Variants in MACROD2 observed in about 807,000 individuals in gnomAD.
MACROD2 encodes mono-ADP ribosylhydrolase 2, also known as ADP-ribose glycohydrolase MACROD2.
Under a neutral mutation model 70.4 loss-of-function variants are expected in MACROD2, and 36 were observed. The ratio of observed to expected loss-of-function variants is 0.51; its 90% CI spans 0.39 to 0.68. MACROD2 has a LOEUF of 0.68. Among genes scored for constraint, MACROD2 ranks in the 30% least tolerant of loss-of-function variants. MACROD2 has a pLI of 0.00. For missense variants in MACROD2, 496 were observed against 538.4 expected (o/e 0.92, Z 0.78); for synonymous variants, 172 against 178.8 (o/e 0.96, Z 0.30).
chr20:14,367,883 G>A (rs1159923390), intron 3 of MACROD2, among the ~76,000 whole-genome samples: 2 of 152,122 alleles, frequency 1.3e-5, no homozygotes, highest in Non-Finnish European at 2.9e-5. Flanking sequence ...TTCTCCATCT[G>A]GGGTTCTTAT....
intron 8 of MACROD2, among the ~76,000 whole-genome samples, chr20:15,591,387 C>G (rs764453591): frequency 1.3e-5 from 2 of 152,082 alleles, no homozygotes; most frequent in African/African-American, 4.8e-5. Flanking sequence ...GGTATTCCCT[C>G]TGCTCAACTG....
chr20:14,412,716 A>C (rs1035127706), intron 3 of MACROD2, among the ~76,000 whole-genome samples: 4 of 152,180 alleles, frequency 2.6e-5, no homozygotes, highest in African/African-American at 4.8e-5. Flanking sequence ...AAACAAACGA[A>C]TGTCTGTAAA....
At chr20:14,745,563 C>T (rs754376112) in intron 5 of MACROD2, among the ~76,000 whole-genome samples, 2 of 152,158 alleles carry the variant, frequency 1.3e-5, no homozygotes, top group African/African-American at 2.4e-5. Context: ...ATTCTGGTTC[C>T]GCTTTTTACT....
intron 8 of MACROD2, among the ~76,000 whole-genome samples, chr20:15,711,449 A>G (rs573236505): frequency 2.0e-5 from 3 of 152,334 alleles, no homozygotes; most frequent in Non-Finnish European, 4.4e-5. Flanking sequence ...ACCAAGCCTT[A>G]ACTGTCAGGT....
At chr20:14,239,209 G>A (rs1253546363) in intron 3 of MACROD2, among the ~76,000 whole-genome samples, 1 of 152,070 alleles carries the variant, frequency 6.6e-6, no homozygotes, top group Non-Finnish European at 1.5e-5. Flanking sequence ...AAACACTGCT[G>A]AAAGAAATCA....
chr20:14,810,600 CAA>C (rs2072697606), intron 5 of MACROD2, among the ~76,000 whole-genome samples: 1 of 152,012 alleles, frequency 6.6e-6, no homozygotes, highest in Non-Finnish European at 1.5e-5. Context: ...GGCAGTGAGA[CAA>C]GAGAAAGAAA....
chr20:16,037,242 A>G (rs2067248212), intron 15 of MACROD2, among the ~76,000 whole-genome samples: 1 of 151,950 alleles, frequency 6.6e-6, no homozygotes, highest in Admixed American at 6.6e-5. Flanking sequence ...CCTCTCTCTC[A>G]CCTAACTTTT....
At position 14,533,407 on chromosome 20, in the gene MACROD2, C is replaced by G. The variant is rs145472738; in HGVS notation, c.301+39899C>G. On this transcript the variant is annotated intron_variant, in intron 4 of 17. Coordinates refer to ENST00000684519, the MANE Select transcript of MACROD2 (RefSeq NM_001351661.2). ...GTTTTTTGACAAGCTATAAGAAGCA[C>G]ATAGCCACATGACTTATGATTATAC... 9.9e-3 allele frequency among the ~76,000 whole-genome samples: 1,513 copies of G among 152,256 alleles called. 32 individuals carry two copies. The highest frequency in any genetic ancestry group is 0.035 in the African/African-American group (1,441 of 41,548).
At chr20:14,765,620 A>G (rs921987167) in intron 5 of MACROD2, among the ~76,000 whole-genome samples, 2 of 152,120 alleles carry the variant, frequency 1.3e-5, no homozygotes, top group South Asian at 2.1e-4. Flanking sequence ...GGGGTAAGAT[A>G]TTAGGGTTGA....
intron 6 of MACROD2, among the ~76,000 whole-genome samples, chr20:15,421,913 G>C (rs934964787): frequency 6.6e-5 from 10 of 152,216 alleles, no homozygotes; most frequent in African/African-American, 1.9e-4. Context: ...CTGGAGGCTA[G>C]GAAGACCTCT....
intron 8 of MACROD2, among the ~76,000 whole-genome samples, chr20:15,616,766 G>A (rs1294600279): frequency 6.6e-6 from 1 of 152,138 alleles, no homozygotes. Context: ...GTGTTGATAG[G>A]CCCATATGGT....
intron 5 of MACROD2, among the ~76,000 whole-genome samples, chr20:14,806,560 C>G (rs1364164155): frequency 6.6e-6 from 1 of 152,040 alleles, no homozygotes; most frequent in Non-Finnish European, 1.5e-5. Flanking sequence ...TTTTTGTACC[C>G]CACTGGCACC....
intron 5 of MACROD2, among the ~76,000 whole-genome samples, chr20:14,974,255 C>T (rs1264931125): frequency 2.0e-5 from 3 of 152,090 alleles, no homozygotes; most frequent in Non-Finnish European, 4.4e-5. Context: ...CTCAATACTG[C>T]CACTGTGGGG....
chr20:14,765,777 A>T (rs2072079726), intron 5 of MACROD2, among the ~76,000 whole-genome samples: 1 of 152,138 alleles, frequency 6.6e-6, no homozygotes, highest in African/African-American at 2.4e-5. Flanking sequence ...CTGAGTCCAC[A>T]TGAAAACACC....
At chr20:15,676,374 T>G (rs1362389810) in intron 8 of MACROD2, among the ~76,000 whole-genome samples, 1 of 152,238 alleles carries the variant, frequency 6.6e-6, no homozygotes, top group Non-Finnish European at 1.5e-5. Flanking sequence ...ATAAACCCAC[T>G]GTGTTTCTAG....
At chr20:14,071,176 T>C (rs749543631) in intron 2 of MACROD2, among the ~76,000 whole-genome samples, 8 of 151,922 alleles carry the variant, frequency 5.3e-5, no homozygotes, top group Non-Finnish European at 2.9e-5. Flanking sequence ...GAAAATTCTG[T>C]TATATCCTCA....
intron 5 of MACROD2, among the ~76,000 whole-genome samples, chr20:14,889,673 G>A (rs2073728157): frequency 6.6e-6 from 1 of 152,110 alleles, no homozygotes; most frequent in Non-Finnish European, 1.5e-5. Context: ...ATGAGCAGAG[G>A]GAAGATAAAT....
At position 15,812,265 on chromosome 20, in the gene MACROD2, C is replaced by A. The variant is rs535792883; in HGVS notation, c.646-50480C>A. Among the ~76,000 whole-genome samples, 4 of 152,254 alleles carry A rather than the reference C, an allele frequency of 2.6e-5. No homozygotes were observed. In the South Asian group the frequency reaches 8.3e-4, roughly 32 times the overall value. On this transcript the variant is annotated intron_variant, in intron 8 of 17. Coordinates refer to ENST00000684519, the MANE Select transcript of MACROD2 (RefSeq NM_001351661.2). ...TATTGAGTTGAATTGAGTCCTTTCT[C>A]TTATTATTTTTCACACTGTTATCTG...
intron 5 of MACROD2, among the ~76,000 whole-genome samples, chr20:14,818,177 G>A (rs776334054): frequency 1.9e-4 from 29 of 152,134 alleles, no homozygotes; most frequent in Non-Finnish European, 4.0e-4. Context: ...CATGGAGGCA[G>A]ACACCAGGGA....
Sources: gnomAD v4.1 joint callset for allele counts (sites outside exome capture counted in the v4.1 genomes callset) on GRCh38, gnomAD v4.1.1 for gene constraint, MANE v1.5 for transcripts, NCBI Gene and HGNC (gene_info 2026-07-23, HGNC 2026-07-21) for gene names.